SRPK2: variants seen among roughly 807,000 people sequenced by gnomAD.
SRPK2 encodes SRSF protein kinase 2, also known as SFRS protein kinase 2.
Under a neutral mutation model 90.8 loss-of-function variants are expected in SRPK2, and 21 were observed. That is an observed-to-expected ratio of 0.23 (90% confidence interval 0.16 to 0.33). The LOEUF (loss-of-function observed/expected upper bound fraction) is 0.33. Ranked by LOEUF, SRPK2 falls within the 10% of genes least tolerant of loss-of-function variation. The pLI, the probability that SRPK2 is intolerant of heterozygous loss-of-function variation, is 1.00. For missense variants in SRPK2, 620 were observed against 869.0 expected (o/e 0.71, Z 3.60); for synonymous variants, 288 against 311.1 (o/e 0.93, Z 0.78).
chr7:105,286,579 A>G (rs1367137898), intron 2 of SRPK2, among the ~76,000 whole-genome samples: 1 of 152,164 alleles, frequency 6.6e-6, no homozygotes, highest in African/African-American at 2.4e-5. Context: ...AGCTGTACTG[A>G]TTTACAGACC....
At chr7:105,277,103 G>A (rs1356776268) in intron 2 of SRPK2, among the ~76,000 whole-genome samples, 2 of 151,674 alleles carry the variant, frequency 1.3e-5, no homozygotes, top group African/African-American at 4.9e-5. Flanking sequence ...TTGAGACAGA[G>A]TCTCACTCTG....
intron 7 of SRPK2, among the ~76,000 whole-genome samples, chr7:105,147,250 C>A (rs1804776183): frequency 6.6e-6 from 1 of 152,126 alleles, no homozygotes; most frequent in Admixed American, 6.5e-5. Flanking sequence ...ATACAATTGA[C>A]CCCTTTAGGT....
In SRPK2 at chr7:105,116,853, A is replaced by G. The variant is rs1799677789; in HGVS notation, c.*985T>C. ...AGAAGTATTCTGCCCACTGCACTGC[A>G]AATTGTATATACCATACCTTGTGTT... is the stretch of plus-strand genomic sequence containing the variant. On this transcript the variant is annotated 3_prime_UTR_variant, in exon 16 of 16. Transcript: ENST00000393651. 1 of 152,218 alleles carries G rather than the reference A, an allele frequency of 6.6e-6. No individual in the cohort carries two copies. The highest frequency in any genetic ancestry group is 1.5e-5 in the Non-Finnish European group (1 of 68,032). 9.4% of individuals were successfully genotyped at this position (152,218 alleles called of 1,614,324 possible).
chr7:105,300,098 C>T, intron 2 of SRPK2, among the ~76,000 whole-genome samples: 1 of 151,410 alleles, frequency 6.6e-6, no homozygotes. Context: ...CCGGGCATCA[C>T]CATGTACAGA....
intron 2 of SRPK2, among the ~76,000 whole-genome samples, chr7:105,351,136 C>A (rs559692582): frequency 1.3e-5 from 2 of 152,024 alleles, no homozygotes; most frequent in South Asian, 4.2e-4. Flanking sequence ...CGAATTTTAA[C>A]GGATTATCCT....
At chr7:105,148,079 C>A (rs1804929573) in intron 7 of SRPK2, among the ~76,000 whole-genome samples, 1 of 152,112 alleles carries the variant, frequency 6.6e-6, no homozygotes, top group South Asian at 2.1e-4. Flanking sequence ...TGATGAACTG[C>A]CAAAGTGTCT....
intron 1 of SRPK2, among the ~76,000 whole-genome samples, chr7:105,398,742 A>G (rs915710364): frequency 3.3e-5 from 5 of 152,184 alleles, no homozygotes; most frequent in Admixed American, 6.6e-5. Flanking sequence ...CTCAGTGGCA[A>G]TAGCACCATC....
chr7:105,292,051 C>T lies in SRPK2; in HGVS notation c.72-88266G>A, dbSNP rs138525884. On this transcript the variant is annotated intron_variant, in intron 2 of 15. Coordinates refer to ENST00000393651, the MANE Select transcript of SRPK2 (RefSeq NM_182692.3). Reference sequence around the variant, plus strand: ...CCTCCTAGTTTTCCCGTTGCTCTCACGTGTTCCCTTCCATATTTCCTTCTC... The same window carrying T: ...CCTCCTAGTTTTCCCGTTGCTCTCATGTGTTCCCTTCCATATTTCCTTCTC... Among the ~76,000 whole-genome samples, 1,061 of 152,270 alleles carry T rather than the reference C, an allele frequency of 7.0e-3. 11 individuals carry two copies. The highest frequency in any genetic ancestry group is 0.024 in the African/African-American group (1,006 of 41,550).
intron 1 of SRPK2, among the ~76,000 whole-genome samples, chr7:105,398,336 CAT>C (rs377356908): frequency 2.2e-3 from 329 of 150,952 alleles, no homozygotes; most frequent in African/African-American, 7.6e-3. Flanking sequence ...GACGGGAAGT[CAT>C]ATCACCCGTC....
At chr7:105,140,748 G>A (rs2129576366) in intron 11 of SRPK2, among the ~76,000 whole-genome samples, 1 of 151,810 alleles carries the variant, frequency 6.6e-6, no homozygotes, top group South Asian at 2.1e-4. Flanking sequence ...GGATCACGAG[G>A]TCAGGAATTT....
chr7:105,244,518 G>A, intron 2 of SRPK2: 1 of 501,238 alleles, frequency 2.0e-6, no homozygotes, highest in Non-Finnish European at 3.6e-6. Flanking sequence ...AGCTTGCAGT[G>A]AGCTAAGATC....
chr7:105,373,686 G>A (rs543756284), intron 2 of SRPK2, among the ~76,000 whole-genome samples: 2 of 151,188 alleles, frequency 1.3e-5, no homozygotes, highest in Non-Finnish European at 3.0e-5. Context: ...TACAGATGTG[G>A]GCCACCGCGC....
chr7:105,282,287 A>T (rs1335579558), intron 2 of SRPK2, among the ~76,000 whole-genome samples: 2 of 152,216 alleles, frequency 1.3e-5, no homozygotes, highest in African/African-American at 4.8e-5. Flanking sequence ...ATGAAGCCAG[A>T]GTTCCCCTTC....
chr7:105,350,414 C>G (rs955831957), intron 2 of SRPK2, among the ~76,000 whole-genome samples: 6 of 150,520 alleles, frequency 4.0e-5, no homozygotes, highest in Admixed American at 3.3e-4. Context: ...CAGGCATGAG[C>G]CACCGCGCCT....
At chr7:105,388,314 C>A (rs1485148979) in intron 2 of SRPK2, among the ~76,000 whole-genome samples, 1 of 151,424 alleles carries the variant, frequency 6.6e-6, no homozygotes, top group African/African-American at 2.4e-5. Flanking sequence ...AGGGCCGCGA[C>A]CCCCGGGCCA....
intron 2 of SRPK2, among the ~76,000 whole-genome samples, chr7:105,297,030 A>G (rs1434128225): frequency 6.6e-6 from 1 of 152,260 alleles, no homozygotes; most frequent in East Asian, 1.9e-4. Flanking sequence ...AAGTCTCATA[A>G]ACTAATTACA....
chr7:105,309,002 C>A (rs1170646241), intron 2 of SRPK2, among the ~76,000 whole-genome samples: 1 of 152,100 alleles, frequency 6.6e-6, no homozygotes, highest in African/African-American at 2.4e-5. Context: ...CCTATGGCCC[C>A]AGTCCTTTGC....
chr7:105,364,564 C>T (rs918563502), intron 2 of SRPK2, among the ~76,000 whole-genome samples: 4 of 151,982 alleles, frequency 2.6e-5, no homozygotes, highest in African/African-American at 4.8e-5. Context: ...TCATGCCTAG[C>T]TAATTTTTTT....
At chr7:105,215,068 C>T (rs551516574) in intron 2 of SRPK2, among the ~76,000 whole-genome samples, 2 of 152,258 alleles carry the variant, frequency 1.3e-5, no homozygotes, top group South Asian at 4.1e-4. Flanking sequence ...CAACTGATTG[C>T]CAAGACAATT....
Sources: gnomAD v4.1 joint callset for allele counts (sites outside exome capture counted in the v4.1 genomes callset) on GRCh38, gnomAD v4.1.1 for gene constraint, MANE v1.5 for transcripts, NCBI Gene and HGNC (gene_info 2026-07-23, HGNC 2026-07-21) for gene names.